Variants in FRZB observed in about 807,000 individuals in gnomAD.
The protein encoded by FRZB is frizzled related protein, also known as secreted frizzled-related protein 3.
FRZB carries 34 observed loss-of-function variants against 32.5 expected under a neutral mutation model. That is an observed-to-expected ratio of 1.05 (90% CI 0.80 to 1.39). FRZB has a LOEUF of 1.39. Ranked by LOEUF, FRZB falls within the 40% of genes most tolerant of loss-of-function variation. FRZB has a pLI of 0.00. For missense variants in FRZB, 423 were observed against 424.8 expected (o/e 1.00, Z 0.04); for synonymous variants, 170 against 159.2 (o/e 1.07, Z -0.51).
intron 2 of FRZB, among the ~76,000 whole-genome samples, chr2:182,853,814 C>A (rs1298390905): frequency 6.6e-6 from 1 of 152,086 alleles, no homozygotes; most frequent in Non-Finnish European, 1.5e-5. Flanking sequence ...GTGCAAAATA[C>A]TAGAGGAAAG....
intron 2 of FRZB, among the ~76,000 whole-genome samples, chr2:182,856,953 T>C (rs917160960): frequency 6.6e-6 from 1 of 151,948 alleles, no homozygotes; most frequent in African/African-American, 2.4e-5. Context: ...ACAGTATTAA[T>C]CAACTAAATT....
chr2:182,843,880 A>C (rs374981103), intron 2 of FRZB, among the ~76,000 whole-genome samples: 18 of 152,240 alleles, frequency 1.2e-4, no homozygotes, highest in African/African-American at 4.3e-4. Flanking sequence ...GCAGTGAGCC[A>C]AGCTCAAGCC....
intron 2 of FRZB, among the ~76,000 whole-genome samples, chr2:182,844,676 G>A (rs1695621716): frequency 1.3e-5 from 2 of 152,026 alleles, no homozygotes; most frequent in Admixed American, 1.3e-4. Flanking sequence ...ATCTTTGCTT[G>A]GAGCATAAAC....
Position 182,846,120 on chromosome 2 carries a change from A to G in FRZB, c.527-3577T>C, listed in dbSNP as rs192793604. ...TTTGCTCATACAAATATGCTCATTT[A>G]TTTTTTAAAAACAAAAGGATACTAG... On this transcript the variant is annotated intron_variant, in intron 2 of 5. Transcript: ENST00000295113. 7.9e-5 allele frequency among the ~76,000 whole-genome samples: 12 copies of G among 152,270 alleles called. No homozygotes were observed. The East Asian group carries it at 1.3e-3, about 17-fold the overall frequency.
chr2:182,849,509 T>C (rs1695687438), intron 2 of FRZB, among the ~76,000 whole-genome samples: 1 of 152,182 alleles, frequency 6.6e-6, no homozygotes. Flanking sequence ...CCTACACCTA[T>C]ACACAGGGCA....
At chr2:182,838,870 G>A (rs970385774) in intron 3 of FRZB, among the ~76,000 whole-genome samples, 1 of 152,032 alleles carries the variant, frequency 6.6e-6, no homozygotes, top group African/African-American at 2.4e-5. Flanking sequence ...ATGCATGTGT[G>A]TGCATGTGCT....
chr2:182,858,623 C>A (rs894479521), intron 2 of FRZB, among the ~76,000 whole-genome samples, 163 bp downstream of exon 2: 11 of 151,974 alleles, frequency 7.2e-5, no homozygotes, highest in African/African-American at 2.4e-4. Context: ...AATTTTACTA[C>A]GTGCTAATTT....
chr2:182,854,317 T>C (rs559486433), intron 2 of FRZB, among the ~76,000 whole-genome samples: 180 of 152,300 alleles, frequency 1.2e-3, no homozygotes, highest in Non-Finnish European at 2.0e-3. Flanking sequence ...TTCCATCTTG[T>C]TTCTCCCACT....
At position 182,834,788 on chromosome 2, in the gene FRZB, T is replaced by C; in HGVS notation, c.*61A>G. The C allele has an allele frequency of 8.6e-7, 1 of 1,163,664 alleles. No homozygotes were observed. The highest frequency in any genetic ancestry group is 1.9e-4 in the Middle Eastern group (1 of 5,184). The allele number at this position is 1,163,664 out of a possible 1,614,324, so 72.1% of individuals were successfully genotyped here. ...CAATAGTGCAATTTTCCTTTGCTAG[T>C]CCAGCAATGCAAGTAAGTCTTAATA... On this transcript the variant is annotated 3_prime_UTR_variant, in exon 6 of 6. Transcript: ENST00000295113.
At chr2:182,839,013 A>G (rs1164396915) in intron 3 of FRZB, among the ~76,000 whole-genome samples, 1 of 152,122 alleles carries the variant, frequency 6.6e-6, no homozygotes, top group African/African-American at 2.4e-5. Context: ...AAACTATGTT[A>G]ATTTTACTAT....
rs1158688942 is a variant in FRZB, at chr2:182,833,718, C to T, written c.*1131G>A. 1.3e-5 allele frequency: 2 copies of T among 152,124 alleles called. No homozygotes were observed. The highest frequency in any genetic ancestry group is 3.9e-4 in the East Asian group (2 of 5,186). 9.4% of individuals were successfully genotyped at this position (152,124 alleles called of 1,614,324 possible). ...ATAATTCATTTTACTAGACATTTTT[C>T]GCTGAGCATTAAGCAGCACAAATCC... On this transcript the variant is annotated 3_prime_UTR_variant, in exon 6 of 6. Transcript: ENST00000295113.
intron 2 of FRZB, among the ~76,000 whole-genome samples, chr2:182,847,265 A>G (rs1475803518): frequency 1.3e-5 from 2 of 152,230 alleles, no homozygotes; most frequent in Non-Finnish European, 2.9e-5. Context: ...AGAAAATGAT[A>G]TTTAAAGCTT....
In FRZB at chr2:182,834,172, G is replaced by A. The variant is rs964957282; in HGVS notation, c.*677C>T. 1 of 152,112 alleles carries A rather than the reference G, an allele frequency of 6.6e-6. No individual in the cohort carries two copies. The highest frequency in any genetic ancestry group is 2.4e-5 in the African/African-American group (1 of 41,424). 9.4% of individuals were successfully genotyped at this position (152,112 alleles called of 1,614,324 possible). On this transcript the variant is annotated 3_prime_UTR_variant, in exon 6 of 6. Transcript: ENST00000295113. Reference sequence around the variant, plus strand: ...AGAATGCTACCATTAACACCCCAGCGGCTACTGGTTTCAGTTGTGCTTCTC... The same window carrying A: ...AGAATGCTACCATTAACACCCCAGCAGCTACTGGTTTCAGTTGTGCTTCTC...
In FRZB at chr2:182,842,480, T is replaced by C; in HGVS notation, c.590A>G (p.Tyr197Cys). 6.2e-7 allele frequency: 1 copy of C among 1,610,510 alleles called. No homozygotes were observed. Among genetic ancestry groups the C allele is most frequent in the Non-Finnish European group, 8.5e-7 (1 of 1,176,922 alleles). ...QKTYFRNNYNYVIRAKVKEIK... is the reference protein window; with the variant it reads ...QKTYFRNNYNCVIRAKVKEIK... ...ATCAACCATGAAATTTTCCTTACCA[T>C]AGTTGTAATTGTTCCGGAAATAGGT... Residue 197 changes from tyrosine (Y) to cysteine (C), a missense_variant and splice_region_variant, in exon 3 of 6, where the codon TAT becomes TGT. Physicochemically the swap from Tyr to Cys is radical, Grantham distance 194. Coordinates refer to ENST00000295113, the MANE Select transcript of FRZB (RefSeq NM_001463.4).
intron 2 of FRZB, among the ~76,000 whole-genome samples, chr2:182,849,023 C>A (rs931319744): frequency 2.0e-5 from 3 of 152,012 alleles, no homozygotes; most frequent in Non-Finnish European, 2.9e-5. Flanking sequence ...GTCAGGAGAT[C>A]GAGACCATCC....
At chr2:182,848,339 T>C (rs1415526589) in intron 2 of FRZB, among the ~76,000 whole-genome samples, 4 of 152,138 alleles carry the variant, frequency 2.6e-5, no homozygotes, top group Admixed American at 1.3e-4. Context: ...ATGGATGCCA[T>C]GGTGGAACTT....
intron 2 of FRZB, among the ~76,000 whole-genome samples, chr2:182,850,000 T>C (rs1429826471): frequency 6.6e-6 from 1 of 152,226 alleles, no homozygotes; most frequent in African/African-American, 2.4e-5. Context: ...ATGCCAAGTA[T>C]TGAAAAGAGG....
intron 3 of FRZB, among the ~76,000 whole-genome samples, chr2:182,840,151 G>C (rs1695571912): frequency 6.6e-6 from 1 of 152,092 alleles, no homozygotes; most frequent in African/African-American, 2.4e-5. Flanking sequence ...CGCTTGGTTT[G>C]ACTGGCAAGT....
At position 182,840,072 on chromosome 2, in the gene FRZB, TC is replaced by T. The variant is rs1695570899; in HGVS notation, c.593-1460del. Among the ~76,000 whole-genome samples, 6 of 152,254 alleles carry T rather than the reference TC, an allele frequency of 3.9e-5. No homozygotes were observed. In the East Asian group the frequency reaches 1.2e-3, roughly 29 times the overall value. On this transcript the variant is annotated intron_variant, in intron 3 of 5. Transcript: ENST00000295113. ...GAATTCTAAAAGCTTCACATTTCAGTCTTCCGAGAATTAGTTGCCTCAAGTA... is the reference window on the plus strand; with the variant it reads ...GAATTCTAAAAGCTTCACATTTCAGTTTCCGAGAATTAGTTGCCTCAAGTA...
Sources: allele counts gnomAD v4.1 joint callset (sites outside exome capture counted in the v4.1 genomes callset), GRCh38; gene constraint gnomAD v4.1.1; transcripts MANE v1.5; gene names NCBI Gene and HGNC (gene_info 2026-07-23, HGNC 2026-07-21).